The following TCF12 variants were observed in gnomAD, a reference collection of about 807,000 sequenced individuals.
TCF12 encodes transcription factor 12.
A neutral mutation model predicts 86.0 loss-of-function variants in TCF12; 45 were observed. The observed-to-expected ratio is 0.52, with a 90% confidence interval of 0.41 to 0.67. The LOEUF (loss-of-function observed/expected upper bound fraction) is 0.67. TCF12 is among the 30% of genes least tolerant of loss of function. The probability of loss-of-function intolerance (pLI) is 0.00; values close to 1 mark genes in which losing one functional copy is unlikely to be tolerated. For missense variants in TCF12, 881 were observed against 859.9 expected (o/e 1.02, Z -0.31); for synonymous variants, 330 against 299.6 (o/e 1.10, Z -1.05).
chr15:57,104,753 T>C (rs1187039251), intron 5 of TCF12, among the ~76,000 whole-genome samples: 1 of 151,808 alleles, frequency 6.6e-6, no homozygotes, highest in Non-Finnish European at 1.5e-5. Flanking sequence ...TTTATTTTGT[T>C]TAACTTTTAC....
intron 8 of TCF12, among the ~76,000 whole-genome samples, chr15:57,221,308 A>C (rs1322106091): frequency 6.6e-6 from 1 of 152,042 alleles, no homozygotes; most frequent in Non-Finnish European, 1.5e-5. Flanking sequence ...CTGTCTTTCA[A>C]ATGTGAAAAT....
intron 3 of TCF12, among the ~76,000 whole-genome samples, chr15:56,939,079 T>C (rs185520022): frequency 7.9e-5 from 12 of 152,328 alleles, no homozygotes; most frequent in Admixed American, 3.9e-4. Flanking sequence ...TATTCTTCAC[T>C]CTCAACCTGC....
chr15:57,243,807 AC>A (rs1264378199), intron 13 of TCF12, among the ~76,000 whole-genome samples: 1 of 152,222 alleles, frequency 6.6e-6, no homozygotes, highest in African/African-American at 2.4e-5. Context: ...AGTAGTTACA[AC>A]AGGATAAAAA....
At chr15:56,937,093 T>C (rs559162455) in intron 3 of TCF12, among the ~76,000 whole-genome samples, 1 of 152,260 alleles carries the variant, frequency 6.6e-6, no homozygotes, top group East Asian at 1.9e-4. Context: ...GATTCTGCCA[T>C]GATTCATCTG....
At chr15:57,119,971 G>A (rs2051113264) in intron 5 of TCF12, among the ~76,000 whole-genome samples, 1 of 152,084 alleles carries the variant, frequency 6.6e-6, no homozygotes, top group Non-Finnish European at 1.5e-5. Flanking sequence ...ATGAGTCTTA[G>A]GTCCTACTAC....
At chr15:57,093,032 T>C (rs1293130152) in intron 5 of TCF12, among the ~76,000 whole-genome samples, 1 of 152,188 alleles carries the variant, frequency 6.6e-6, no homozygotes, top group Non-Finnish European at 1.5e-5. Flanking sequence ...GGTTGACAGT[T>C]TGAAGCCAGA....
chr15:57,192,375 T>C, intron 7 of TCF12, 82 bp downstream of exon 7: 2 of 373,738 alleles, frequency 5.4e-6, no homozygotes, highest in Non-Finnish European at 3.9e-6. Flanking sequence ...CTGGCTATGC[T>C]TTTTTTTTTT....
At position 57,093,029 on chromosome 15, in the gene TCF12, A is replaced by G. The variant is rs1017592083; in HGVS notation, c.325+1138A>G. 2.6e-5 allele frequency among the ~76,000 whole-genome samples: 4 copies of G among 152,332 alleles called. No individual in the cohort carries two copies. In the East Asian group the frequency reaches 7.7e-4, roughly 29 times the overall value. The stretch of plus-strand genomic sequence containing the variant: ...GTGGATTTTGCCGAAGGCGGTTGAC[A>G]GTTTGAAGCCAGAAGAACCATTAGA... On this transcript the variant is annotated intron_variant, in intron 5 of 20. Transcript: ENST00000333725.
At chr15:56,967,672 T>C (rs1475576881) in intron 3 of TCF12, among the ~76,000 whole-genome samples, 1 of 152,166 alleles carries the variant, frequency 6.6e-6, no homozygotes, top group Non-Finnish European at 1.5e-5. Flanking sequence ...TTGGGACTTG[T>C]TCTGGTTTCA....
rs145051146 is a variant in TCF12 at position 57,127,269 on chromosome 15, C to T, written c.325+35378C>T. Among the ~76,000 whole-genome samples the T allele has an allele frequency of 4.5e-3, 683 of 152,208 alleles. 5 individuals are homozygous for T. The highest frequency in any genetic ancestry group is 0.016 in the African/African-American group (646 of 41,532). ...AAGTGCTGGGATTACAGGTGTGAGCCACCTTGCCTGGCCCGCTTGTACTCT... is the reference window on the plus strand; with the variant it reads ...AAGTGCTGGGATTACAGGTGTGAGCTACCTTGCCTGGCCCGCTTGTACTCT... On this transcript the variant is annotated intron_variant, in intron 5 of 20. Transcript: ENST00000333725.
chr15:57,185,922 A>G (rs2056641366), intron 6 of TCF12, among the ~76,000 whole-genome samples: 1 of 152,150 alleles, frequency 6.6e-6, no homozygotes, highest in Non-Finnish European at 1.5e-5. Flanking sequence ...AACAGAATTG[A>G]CAAACCTTTA....
chr15:57,063,680 G>T, intron 3 of TCF12, 70 bp from the exon 4 acceptor site: 1 of 1,342,882 alleles, frequency 7.4e-7, no homozygotes, highest in Non-Finnish European at 1.1e-6. Flanking sequence ...ATTGTACTCT[G>T]CTGTCCCGTA....
chr15:57,124,253 C>G (rs1157919313), intron 5 of TCF12, among the ~76,000 whole-genome samples: 1 of 152,068 alleles, frequency 6.6e-6, no homozygotes, highest in Non-Finnish European at 1.5e-5. Flanking sequence ...TTTTTGATTC[C>G]ACTTTGTTCC....
At chr15:57,263,347 ATGCATTTAT>A in intron 18 of TCF12, 73 bp downstream of exon 18, 1 of 1,476,102 alleles carries the variant, frequency 6.8e-7, no homozygotes, top group Non-Finnish European at 9.2e-7. Context: ...GCTGGGTGTC[ATGCATTTAT>A]TAACTGTCAG....
chr15:57,134,948 C>G (rs2052413215), intron 5 of TCF12, among the ~76,000 whole-genome samples: 1 of 147,200 alleles, frequency 6.8e-6, no homozygotes, highest in Non-Finnish European at 1.5e-5. Context: ...TGTACTGTTT[C>G]CTGTTTTTGT....
intron 5 of TCF12, among the ~76,000 whole-genome samples, chr15:57,132,130 G>A (rs970190443): frequency 3.3e-5 from 5 of 152,128 alleles, no homozygotes; most frequent in Non-Finnish European, 7.4e-5. Flanking sequence ...CGGTTTGGGT[G>A]ACAGAGCAAG....
intron 3 of TCF12, among the ~76,000 whole-genome samples, chr15:56,949,400 A>AT (rs1243204248): frequency 6.6e-6 from 1 of 152,214 alleles, no homozygotes; most frequent in African/African-American, 2.4e-5. Flanking sequence ...ACATTCAGTA[A>AT]TTTTATTATA....
intron 6 of TCF12, among the ~76,000 whole-genome samples, chr15:57,180,592 A>G (rs1280993064): frequency 6.6e-6 from 1 of 152,008 alleles, no homozygotes; most frequent in Non-Finnish European, 1.5e-5. Flanking sequence ...GCCTTTATGT[A>G]TTTAAAACTG....
intron 3 of TCF12, among the ~76,000 whole-genome samples, chr15:57,033,031 T>G (rs2066296271): frequency 6.6e-6 from 1 of 151,986 alleles, no homozygotes; most frequent in Non-Finnish European, 1.5e-5. Context: ...GAGCAATAAC[T>G]ATAACTTAAA....
Sources: allele counts gnomAD v4.1 joint callset (sites outside exome capture counted in the v4.1 genomes callset), GRCh38; gene constraint gnomAD v4.1.1; transcripts MANE v1.5; gene names NCBI Gene and HGNC (gene_info 2026-07-23, HGNC 2026-07-21).